ZNF578: variants seen among roughly 807,000 people sequenced by gnomAD.
ZNF578 encodes zinc finger protein 578.
A neutral mutation model predicts 8.3 loss-of-function variants in ZNF578; 8 were observed. The observed-to-expected ratio is 0.96, with a 90% CI of 0.56 to 1.74. The LOEUF (loss-of-function observed/expected upper bound fraction) is 1.74, where lower values mean the gene tolerates loss of function less well. Ranked by LOEUF, ZNF578 falls within the 40% of genes most tolerant of loss-of-function variation. ZNF578 has a pLI of 0.00. For missense variants in ZNF578, 726 were observed against 707.5 expected (o/e 1.03, Z -0.30); for synonymous variants, 206 against 232.2 (o/e 0.89, Z 1.03).
chr19:52,482,125 C>A (rs1323791445), intron 2 of ZNF578, among the ~76,000 whole-genome samples: 1 of 152,150 alleles, frequency 6.6e-6, no homozygotes, highest in Non-Finnish European at 1.5e-5. Context: ...CCTCTGTTTC[C>A]CAGCTTCAAG....
chr19:52,471,054 C>G (rs894944696), intron 2 of ZNF578, among the ~76,000 whole-genome samples: 7 of 152,150 alleles, frequency 4.6e-5, no homozygotes, highest in Admixed American at 1.3e-4. Flanking sequence ...CTGTTCTGGC[C>G]ATGTGAAGTG....
intron 3 of ZNF578, among the ~76,000 whole-genome samples, chr19:52,491,847 T>G (rs547089369): frequency 1.3e-5 from 2 of 152,194 alleles, no homozygotes; most frequent in Non-Finnish European, 2.9e-5. Context: ...TGAAAAATTT[T>G]ATTTAAAAAC....
At chr19:52,463,155 G>A (rs559139526) in intron 2 of ZNF578, among the ~76,000 whole-genome samples, 2 of 152,196 alleles carry the variant, frequency 1.3e-5, no homozygotes, top group African/African-American at 4.8e-5. Context: ...GAATTATAGG[G>A]GATACTTGTA....
At chr19:52,491,675 A>G (rs576406441) in intron 3 of ZNF578, among the ~76,000 whole-genome samples, 43 of 152,182 alleles carry the variant, frequency 2.8e-4, no homozygotes, top group African/African-American at 9.6e-4. Flanking sequence ...CGATCTCGCA[A>G]CTGCACCCCA....
At chr19:52,492,796 C>T (rs2059370689) in intron 3 of ZNF578, 2 of 152,362 alleles carry the variant, frequency 1.3e-5, no homozygotes, top group African/African-American at 2.4e-5. Context: ...CCCGCCCAGG[C>T]CTGGCTTCTG....
rs1315708077 is a variant in ZNF578 at position 52,515,995 on chromosome 19, T to A, written c.*3841T>A. ...CCCTCACTGTGGCTCCACAGCCCCG[T>A]GTGCAGGGCCCCTGCCAGTGTCCAG... On this transcript the variant is annotated 3_prime_UTR_variant, in exon 6 of 6. Coordinates refer to ENST00000421239, the MANE Select transcript of ZNF578 (RefSeq NM_001099694.2). Among the ~76,000 whole-genome samples, 1 of 152,094 alleles carries A rather than the reference T, an allele frequency of 6.6e-6. No individual in the cohort carries two copies. Among genetic ancestry groups the A allele is most frequent in the Non-Finnish European group, 1.5e-5 (1 of 68,010 alleles).
intron 1 of ZNF578, chr19:52,454,318 C>T (rs1261345592): frequency 2.0e-5 from 3 of 152,192 alleles, no homozygotes; most frequent in Non-Finnish European, 2.9e-5. Context: ...ACAAGCAGTT[C>T]TCTATCAGAC....
At chr19:52,455,909 TATCTG>T (rs2059238256) in intron 1 of ZNF578, 1 of 152,270 alleles carries the variant, frequency 6.6e-6, no homozygotes, top group African/African-American at 2.4e-5. Flanking sequence ...GCCTCCACCC[TATCTG>T]ATCTGCACCC....
intron 2 of ZNF578, among the ~76,000 whole-genome samples, chr19:52,490,115 TC>T (rs1249298374): frequency 1.8e-4 from 28 of 152,340 alleles, no homozygotes; most frequent in Admixed American, 6.5e-4. Context: ...TACAATGTTT[TC>T]TGTGATCTCA....
At position 52,512,160 on chromosome 19, in the gene ZNF578, A is replaced by T. The variant is rs367619658; in HGVS notation, c.*6A>T. The T allele has an allele frequency of 6.8e-6, 11 of 1,613,730 alleles. No individual in the cohort carries two copies. In the African/African-American group the frequency reaches 1.2e-4, roughly 18 times the overall value. ...AGCCTTGCATGTCATCATAGACTTC[A>T]TACTGGAGAGAAACCTTACAAATGT... On this transcript the variant is annotated 3_prime_UTR_variant, in exon 6 of 6. Coordinates refer to ENST00000421239, the MANE Select transcript of ZNF578 (RefSeq NM_001099694.2).
chr19:52,456,448 C>T (rs1164181902), intron 1 of ZNF578: 1 of 152,242 alleles, frequency 6.6e-6, no homozygotes, highest in East Asian at 1.9e-4. Flanking sequence ...CTGTATTCAT[C>T]ATTGAACATC....
chr19:52,504,879 G>GA, intron 5 of ZNF578, 98 bp downstream of exon 5: 1 of 1,534,218 alleles, frequency 6.5e-7, no homozygotes, highest in Non-Finnish European at 8.6e-7. Context: ...CCCATACGTG[G>GA]TTTTTTTGTT....
chr19:52,510,703 A>G lies in ZNF578; in HGVS notation c.322A>G (p.Lys108Glu). 1 of 1,613,106 alleles carries G rather than the reference A, an allele frequency of 6.2e-7. No individual in the cohort carries two copies. Among genetic ancestry groups the G allele is most frequent in the Non-Finnish European group, 8.5e-7 (1 of 1,179,758 alleles). The part of the protein sequence containing the change: ...TGDFCFQEIE[K>E]DIHDFEFQSQ... ...AGATTTTTGCTTCCAGGAAATTGAA[A>G]AAGATATTCATGACTTTGAGTTTCA... Residue 108 changes from lysine to glutamate, a missense_variant, in exon 6 of 6, where the codon AAA becomes GAA. Transcript: ENST00000421239.
chr19:52,468,557 T>C (rs2059282477), intron 2 of ZNF578, among the ~76,000 whole-genome samples: 1 of 152,180 alleles, frequency 6.6e-6, no homozygotes. Context: ...AGTAATGTGA[T>C]GGTTAATATT....
At chr19:52,466,274 C>A (rs2122782208) in intron 2 of ZNF578, among the ~76,000 whole-genome samples, 1 of 152,322 alleles carries the variant, frequency 6.6e-6, no homozygotes, top group East Asian at 1.9e-4. Flanking sequence ...GTGGGCTTAA[C>A]TAGGAGCCAG....
chr19:52,487,563 C>G (rs1170094495), intron 2 of ZNF578, among the ~76,000 whole-genome samples: 1 of 152,152 alleles, frequency 6.6e-6, no homozygotes, highest in African/African-American at 2.4e-5. Flanking sequence ...CTTCCCTTTT[C>G]CTAGGATGAG....
At chr19:52,484,461 T>C (rs1188648843) in intron 2 of ZNF578, among the ~76,000 whole-genome samples, 1 of 152,098 alleles carries the variant, frequency 6.6e-6, no homozygotes, top group South Asian at 2.1e-4. Context: ...TTTCAGAATA[T>C]CACATGGGGG....
In ZNF578 at chr19:52,515,581, C is replaced by T. The variant is rs778546603; in HGVS notation, c.*3427C>T. The stretch of plus-strand genomic sequence containing the variant: ...CACCTTCTCACTCATCTCAGACCTT[C>T]TCAGGGTAACTTGGTGAAAATGTCT... On this transcript the variant is annotated 3_prime_UTR_variant, in exon 6 of 6. Coordinates refer to ENST00000421239, the MANE Select transcript of ZNF578 (RefSeq NM_001099694.2). Among the ~76,000 whole-genome samples the T allele has an allele frequency of 3.9e-5, 6 of 152,134 alleles. No homozygotes were observed. The highest frequency in any genetic ancestry group is 7.2e-5 in the African/African-American group (3 of 41,436).
At chr19:52,496,576 G>T (rs913213983) in intron 3 of ZNF578, among the ~76,000 whole-genome samples, 2 of 148,376 alleles carry the variant, frequency 1.3e-5, no homozygotes, top group African/African-American at 2.5e-5. Context: ...TGATCCGCCC[G>T]CCTCAGCCTC....
Sources: allele counts gnomAD v4.1 joint callset (sites outside exome capture counted in the v4.1 genomes callset), GRCh38; gene constraint gnomAD v4.1.1; transcripts MANE v1.5; gene names NCBI Gene and HGNC (gene_info 2026-07-23, HGNC 2026-07-21).